ARIH1: variants seen among roughly 807,000 people sequenced by gnomAD.
ARIH1 encodes the protein ariadne RBR E3 ubiquitin protein ligase 1, also known as E3 ubiquitin-protein ligase ARIH1.
Under a neutral mutation model 85.0 loss-of-function variants are expected in ARIH1, and 8 were observed. The ratio of observed to expected loss-of-function variants is 0.09; its 90% CI spans 0.06 to 0.17. The LOEUF (loss-of-function observed/expected upper bound fraction) is 0.17, where lower values mean the gene tolerates loss of function less well. Among genes scored for constraint, ARIH1 ranks in the 10% least tolerant of loss-of-function variants. The pLI, the probability that ARIH1 is intolerant of heterozygous loss-of-function variation, is 1.00. For missense variants in ARIH1, 311 were observed against 718.1 expected (o/e 0.43, Z 6.48); for synonymous variants, 238 against 253.6 (o/e 0.94, Z 0.59).
chr15:72,537,123 T>C (rs2064085825), intron 2 of ARIH1, among the ~76,000 whole-genome samples: 1 of 149,140 alleles, frequency 6.7e-6, no homozygotes. Flanking sequence ...TGTTGTTGTT[T>C]GTAACATGAG....
chr15:72,525,053 G>A (rs866608994), intron 2 of ARIH1, among the ~76,000 whole-genome samples: 1 of 151,954 alleles, frequency 6.6e-6, no homozygotes, highest in African/African-American at 2.4e-5. Context: ...TCTCTGGCTA[G>A]TTTTTTTCTT....
chr15:72,548,167 T>C (rs1338483300), intron 3 of ARIH1, among the ~76,000 whole-genome samples: 1 of 152,150 alleles, frequency 6.6e-6, no homozygotes, highest in Non-Finnish European at 1.5e-5. Flanking sequence ...AGGGCAAATA[T>C]AAGATACGAT....
In ARIH1 at chr15:72,478,303, G is replaced by A. The variant is rs1427022264; in HGVS notation, c.375+3289G>A. On this transcript the variant is annotated intron_variant, in intron 1 of 13. Coordinates refer to ENST00000379887, the MANE Select transcript of ARIH1 (RefSeq NM_005744.5). Reference sequence around the variant, plus strand: ...GCTACTTTTTGTATTTTTTAGTAGAGAGGGGGTTTCACCATGTTGGCCAGG... The same window carrying A: ...GCTACTTTTTGTATTTTTTAGTAGAAAGGGGGTTTCACCATGTTGGCCAGG... 5.3e-5 allele frequency among the ~76,000 whole-genome samples: 8 copies of A among 151,626 alleles called. No individual in the cohort carries two copies. The South Asian group carries it at 8.3e-4, about 16-fold the overall frequency.
intron 1 of ARIH1, among the ~76,000 whole-genome samples, chr15:72,499,486 G>A (rs1194048284): frequency 6.6e-6 from 1 of 151,946 alleles, no homozygotes; most frequent in Non-Finnish European, 1.5e-5. Flanking sequence ...ATAGTTATAT[G>A]TTATCAAAAT....
intron 4 of ARIH1, 25 bp from the exon 5 acceptor site, chr15:72,555,827 C>G: frequency 6.2e-7 from 1 of 1,602,524 alleles, no homozygotes; most frequent in South Asian, 1.1e-5. Flanking sequence ...TGAATGAAGA[C>G]AGTTTAAATT....
chr15:72,526,548 A>G (rs1041534646), intron 2 of ARIH1, among the ~76,000 whole-genome samples: 12 of 152,146 alleles, frequency 7.9e-5, no homozygotes, highest in South Asian at 2.1e-4. Context: ...TGGGCAACAC[A>G]GTGAGACTCC....
intron 1 of ARIH1, among the ~76,000 whole-genome samples, chr15:72,476,629 C>T (rs1482336016): frequency 6.6e-6 from 1 of 152,290 alleles, no homozygotes; most frequent in Non-Finnish European, 1.5e-5. Flanking sequence ...TCCCAAAGCG[C>T]TGGATTACAG....
Position 72,480,263 on chromosome 15 carries a change from A to AT in ARIH1, c.375+5267dup, listed in dbSNP as rs762120667. Among the ~76,000 whole-genome samples, 697 of 136,198 alleles carry AT rather than the reference A, an allele frequency of 5.1e-3. 6 individuals are homozygous for AT. Among genetic ancestry groups the AT allele is most frequent in the East Asian group, 0.051 (235 of 4,610 alleles). The allele number at this position is 136,198 out of a possible 152,430, so 89.4% of individuals were successfully genotyped here. ...CTAGTTAATATCTCAGAACCTTCAA[A>AT]TTTTTTTTTTTTTTTTTTATACATG... On this transcript the variant is annotated intron_variant, in intron 1 of 13. Coordinates refer to ENST00000379887, the MANE Select transcript of ARIH1 (RefSeq NM_005744.5).
At chr15:72,557,871 T>G (rs1458206487) in intron 5 of ARIH1, among the ~76,000 whole-genome samples, 1 of 152,242 alleles carries the variant, frequency 6.6e-6, no homozygotes, top group African/African-American at 2.4e-5. Context: ...ATATATTAAA[T>G]GCTACTGAAT....
At chr15:72,581,210 T>C (rs1322201924) in intron 12 of ARIH1, among the ~76,000 whole-genome samples, 1 of 152,226 alleles carries the variant, frequency 6.6e-6, no homozygotes, top group East Asian at 1.9e-4. Flanking sequence ...ATGCAGGTTC[T>C]GGAGTCAGCC....
intron 7 of ARIH1, among the ~76,000 whole-genome samples, chr15:72,563,716 AT>A (rs991908383): frequency 3.3e-5 from 5 of 151,416 alleles, no homozygotes; most frequent in African/African-American, 4.8e-5. Context: ...ACTTTTTTGA[AT>A]TTTTTTTTAT....
intron 1 of ARIH1, among the ~76,000 whole-genome samples, chr15:72,476,523 C>T (rs1426301120): frequency 6.6e-6 from 1 of 152,134 alleles, no homozygotes; most frequent in Admixed American, 6.5e-5. Flanking sequence ...CTCCACCATG[C>T]TCAGCTAATT....
At chr15:72,489,652 A>G (rs531971371) in intron 1 of ARIH1, among the ~76,000 whole-genome samples, 1 of 152,346 alleles carries the variant, frequency 6.6e-6, no homozygotes, top group African/African-American at 2.4e-5. Flanking sequence ...GGTCGTCCCA[A>G]AATGAAAACA....
intron 1 of ARIH1, among the ~76,000 whole-genome samples, chr15:72,493,262 CA>C (rs1567338662): frequency 6.6e-6 from 1 of 151,990 alleles, no homozygotes; most frequent in African/African-American, 2.4e-5. Flanking sequence ...TCCAGACTAA[CA>C]CTTTTTGGGG....
At chr15:72,475,955 A>G (rs971339740) in intron 1 of ARIH1, among the ~76,000 whole-genome samples, 1 of 152,202 alleles carries the variant, frequency 6.6e-6, no homozygotes, top group South Asian at 2.1e-4. Context: ...GGGAAAAAAA[A>G]AACCTCAGTT....
At chr15:72,544,990 G>A (rs1448577841) in intron 3 of ARIH1, 26 bp downstream of exon 3, 1 of 1,516,002 alleles carries the variant, frequency 6.6e-7, no homozygotes, top group Non-Finnish European at 8.9e-7. Context: ...TTTAAGGCTA[G>A]TGCTGACTTT....
intron 2 of ARIH1, among the ~76,000 whole-genome samples, chr15:72,523,407 C>T (rs556822543): frequency 8.5e-5 from 13 of 152,136 alleles, no homozygotes; most frequent in African/African-American, 2.4e-4. Context: ...GTATACTGTA[C>T]GATTCCACCT....
At chr15:72,475,318 T>C in intron 1 of ARIH1, 1 of 442,112 alleles carries the variant, frequency 2.3e-6, no homozygotes, top group Non-Finnish European at 3.8e-6. Flanking sequence ...GGGTGTCCTT[T>C]CTCTGGCCGG....
chr15:72,475,587 T>G (rs529673372), intron 1 of ARIH1, among the ~76,000 whole-genome samples: 1 of 152,234 alleles, frequency 6.6e-6, no homozygotes, highest in South Asian at 2.1e-4. Flanking sequence ...CTGATGGGCC[T>G]TCTTTTCAGA....
Sources: gnomAD v4.1 joint callset for allele counts (sites outside exome capture counted in the v4.1 genomes callset) on GRCh38, gnomAD v4.1.1 for gene constraint, MANE v1.5 for transcripts, NCBI Gene and HGNC (gene_info 2026-07-23, HGNC 2026-07-21) for gene names.